Variants in MACROD2 observed in about 807,000 individuals in gnomAD.
MACROD2 encodes the protein mono-ADP ribosylhydrolase 2, also known as ADP-ribose glycohydrolase MACROD2.
Under a neutral mutation model 70.4 loss-of-function variants are expected in MACROD2, and 36 were observed. The observed-to-expected ratio is 0.51, with a 90% CI of 0.39 to 0.68. The LOEUF (loss-of-function observed/expected upper bound fraction) is 0.68. Among genes scored for constraint, MACROD2 ranks in the 30% least tolerant of loss-of-function variants. The pLI is 0.00. For missense variants in MACROD2, 496 were observed against 538.4 expected, an observed-to-expected ratio of 0.92 and a Z score of 0.78; for synonymous variants, 172 against 178.8, an observed-to-expected ratio of 0.96 and a Z score of 0.30.
intron 6 of MACROD2, among the ~76,000 whole-genome samples, chr20:15,264,241 C>G (rs1334551345): frequency 6.6e-6 from 1 of 152,080 alleles, no homozygotes; most frequent in Non-Finnish European, 1.5e-5. Flanking sequence ...ATAAAATTTA[C>G]TATTTTGAGA....
In MACROD2 at chr20:15,499,450, C is replaced by A. The variant is rs574933885; in HGVS notation, c.572-324C>A. ...TAAACTTTAATCTGAGCACTTCTTACAAGAAAATAATATGAAAGTATATTG... is the reference window on the plus strand; with the variant it reads ...TAAACTTTAATCTGAGCACTTCTTAAAAGAAAATAATATGAAAGTATATTG... On this transcript the variant is annotated intron_variant, in intron 7 of 17. Coordinates refer to ENST00000684519, the MANE Select transcript of MACROD2 (RefSeq NM_001351661.2). Among the ~76,000 whole-genome samples, 4 of 152,062 alleles carry A rather than the reference C, an allele frequency of 2.6e-5. No individual in the cohort carries two copies. In the East Asian group the frequency reaches 7.7e-4, roughly 29 times the overall value.
At chr20:15,411,133 C>G (rs1600373340) in intron 6 of MACROD2, among the ~76,000 whole-genome samples, 1 of 122,148 alleles carries the variant, frequency 8.2e-6, no homozygotes, top group South Asian at 2.6e-4. Flanking sequence ...AATTAATTGC[C>G]ACCAGGATAT....
At chr20:15,242,178 A>T (rs1305900617) in intron 6 of MACROD2, among the ~76,000 whole-genome samples, 2 of 152,198 alleles carry the variant, frequency 1.3e-5, no homozygotes, top group African/African-American at 2.4e-5. Context: ...CAGTCCAGTC[A>T]TAACCATAGT....
chr20:15,545,937 C>T (rs10485529), intron 8 of MACROD2, among the ~76,000 whole-genome samples: 23,923 of 152,012 alleles, frequency 0.16, 2,287 homozygotes, highest in African/African-American at 0.25. Flanking sequence ...TTTGACCACG[C>T]GTATTTGAAC....
At chr20:15,547,350 T>G (rs1460600182) in intron 8 of MACROD2, among the ~76,000 whole-genome samples, 1 of 152,152 alleles carries the variant, frequency 6.6e-6, no homozygotes, top group African/African-American at 2.4e-5. Context: ...TTTGGCGCAC[T>G]CCAAATGTAG....
At chr20:14,473,219 C>T (rs376547782) in intron 3 of MACROD2, among the ~76,000 whole-genome samples, 11 of 152,178 alleles carry the variant, frequency 7.2e-5, no homozygotes, top group African/African-American at 2.7e-4. Flanking sequence ...ACTACAGTCA[C>T]CCTACTGTGC....
At chr20:15,476,045 C>T (rs1600466820) in intron 7 of MACROD2, among the ~76,000 whole-genome samples, 1 of 152,182 alleles carries the variant, frequency 6.6e-6, no homozygotes, top group East Asian at 1.9e-4. Flanking sequence ...TGTCACTCAG[C>T]CTTGAGAGTC....
chr20:15,443,158 T>C (rs2208134), intron 7 of MACROD2, among the ~76,000 whole-genome samples: 72,765 of 151,998 alleles, frequency 0.48, 19,939 homozygotes, highest in African/African-American at 0.75. Context: ...AATTTGTTTC[T>C]GCAACACTCT....
intron 4 of MACROD2, among the ~76,000 whole-genome samples, chr20:14,567,435 C>T (rs984816576): frequency 2.0e-5 from 3 of 152,128 alleles, no homozygotes; most frequent in South Asian, 2.1e-4. Flanking sequence ...GGCTTGTGTG[C>T]ATGCGTGTGC....
At chr20:15,233,364 G>T (rs2076975846) in intron 6 of MACROD2, among the ~76,000 whole-genome samples, 2 of 151,986 alleles carry the variant, frequency 1.3e-5, no homozygotes. Context: ...ATTGGAGAAA[G>T]GTCTGAAAGG....
chr20:15,194,077 C>T (rs547668680), intron 5 of MACROD2, among the ~76,000 whole-genome samples: 1 of 151,928 alleles, frequency 6.6e-6, no homozygotes, highest in East Asian at 1.9e-4. Context: ...GAAACCCTGT[C>T]TCTACCAAAT....
intron 8 of MACROD2, among the ~76,000 whole-genome samples, chr20:15,633,873 A>G (rs2049327304): frequency 1.3e-5 from 2 of 152,246 alleles, no homozygotes; most frequent in Admixed American, 1.3e-4. Context: ...CTATTGTAAG[A>G]AAAAGTTCAA....
At chr20:15,968,477 G>A (rs932004558) in intron 13 of MACROD2, among the ~76,000 whole-genome samples, 1 of 151,878 alleles carries the variant, frequency 6.6e-6, no homozygotes, top group Non-Finnish European at 1.5e-5. Flanking sequence ...AGAAAGGAAG[G>A]CAAAACTCAA....
intron 3 of MACROD2, among the ~76,000 whole-genome samples, chr20:14,267,348 A>T (rs548623612): frequency 6.6e-6 from 1 of 152,160 alleles, no homozygotes; most frequent in East Asian, 1.9e-4. Context: ...GGGCTAGAAT[A>T]TAAAACAAAA....
intron 7 of MACROD2, among the ~76,000 whole-genome samples, chr20:15,443,827 T>G (rs2046526939): frequency 6.6e-6 from 1 of 152,180 alleles, no homozygotes; most frequent in Non-Finnish European, 1.5e-5. Context: ...GATCATACTC[T>G]GGATTCAATA....
chr20:16,036,814 C>T lies in MACROD2; in HGVS notation c.1154-4387C>T, dbSNP rs1238630036. ...AACAACTCACACACACATGCACGCA[C>T]GCACATGCAAATTCACATAAACATA... is the stretch of plus-strand genomic sequence containing the variant. On this transcript the variant is annotated intron_variant, in intron 15 of 17. Coordinates refer to ENST00000684519, the MANE Select transcript of MACROD2 (RefSeq NM_001351661.2). Among the ~76,000 whole-genome samples the T allele has an allele frequency of 3.9e-5, 6 of 152,022 alleles. No individual in the cohort carries two copies. In the South Asian group the frequency reaches 6.2e-4, roughly 16 times the overall value.
At chr20:15,711,341 A>G (rs2050623373) in intron 8 of MACROD2, among the ~76,000 whole-genome samples, 1 of 152,208 alleles carries the variant, frequency 6.6e-6, no homozygotes, top group Non-Finnish European at 1.5e-5. Flanking sequence ...ATATAAACAA[A>G]GGTAAGAAAG....
intron 8 of MACROD2, among the ~76,000 whole-genome samples, chr20:15,723,098 A>G (rs1217020405): frequency 2.6e-5 from 4 of 152,240 alleles, no homozygotes; most frequent in East Asian, 1.9e-4. Context: ...TTTTAAATGC[A>G]GTTTACCATC....
At chr20:14,064,602 A>C (rs1221738958) in intron 2 of MACROD2, among the ~76,000 whole-genome samples, 1 of 152,154 alleles carries the variant, frequency 6.6e-6, no homozygotes, top group Non-Finnish European at 1.5e-5. Flanking sequence ...ATTATTGCTG[A>C]CATTTTCATT....
Sources: allele counts gnomAD v4.1 joint callset (sites outside exome capture counted in the v4.1 genomes callset), GRCh38; gene constraint gnomAD v4.1.1; transcripts MANE v1.5; gene names NCBI Gene and HGNC (gene_info 2026-07-23, HGNC 2026-07-21).